The following UBE4B variants were observed in gnomAD, a reference collection of about 807,000 sequenced individuals.
The protein encoded by UBE4B is ubiquitin conjugation factor E4 B.
In UBE4B, 27 loss-of-function variants were observed where a neutral mutation model predicts 148.1. The ratio of observed to expected loss-of-function variants is 0.18; its 90% CI spans 0.13 to 0.25. UBE4B has a LOEUF of 0.25. UBE4B is among the 10% of genes least tolerant of loss of function. The pLI is 1.00. For synonymous variants in UBE4B, 596 were observed against 619.3 expected (o/e 0.96, Z 0.56); for missense variants, 1,170 against 1,662.4 (o/e 0.70, Z 5.15).
intron 17 of UBE4B, among the ~76,000 whole-genome samples, chr1:10,137,554 C>T (rs6687550): frequency 0.047 from 7,080 of 152,192 alleles, 428 homozygotes; most frequent in East Asian, 0.13. Flanking sequence ...ACCCCTTCTT[C>T]CCTGGACTGT....
Position 10,130,783 on chromosome 1 carries a change from A to G in UBE4B, c.1881A>G (p.Gln627=). The change falls in exon 14 of 28, where the codon CAA becomes CAG. Residue 627 remains glutamine (Q), a synonymous_variant. Coordinates refer to ENST00000343090, the MANE Select transcript of UBE4B (RefSeq NM_001105562.3). Reference sequence around the variant, plus strand: ...TGGAAAACACTCGTGTGGTTAGCCAATCATTGCAGCATTACTTAGAGCTCG... The same window carrying G: ...TGGAAAACACTCGTGTGGTTAGCCAGTCATTGCAGCATTACTTAGAGCTCG... ...ITLENTRVVS[Q]SLQHYLELGR... is the part of the protein sequence containing the mutation. The G allele has an allele frequency of 6.2e-7, 1 of 1,614,216 alleles. No individual in the cohort carries two copies. Among genetic ancestry groups the G allele is most frequent in the Non-Finnish European group, 8.5e-7 (1 of 1,180,040 alleles).
chr1:10,114,452 A>C (rs1048375793), intron 7 of UBE4B, among the ~76,000 whole-genome samples: 6 of 152,016 alleles, frequency 3.9e-5, no homozygotes, highest in African/African-American at 7.2e-5. Context: ...TGTTTGTTCT[A>C]GTGTGTGTTT....
At chr1:10,170,192 C>T (rs1296898740) in intron 24 of UBE4B, among the ~76,000 whole-genome samples, 1 of 152,074 alleles carries the variant, frequency 6.6e-6, no homozygotes, top group East Asian at 1.9e-4. Flanking sequence ...TTTTGCAAAC[C>T]TTTAAGGTTT....
chr1:10,147,231 C>T (rs1645889674), intron 19 of UBE4B, 141 bp downstream of exon 19: 1 of 1,357,650 alleles, frequency 7.4e-7, no homozygotes, highest in African/African-American at 1.4e-5. Flanking sequence ...TGGTTCACGC[C>T]TGTAATCCCA....
At chr1:10,179,618 C>T in intron 27 of UBE4B, 56 bp downstream of exon 27, 3 of 1,597,488 alleles carry the variant, frequency 1.9e-6, no homozygotes, top group Non-Finnish European at 1.7e-6. Flanking sequence ...AGAGATAAAG[C>T]CCAAGTCACA....
At chr1:10,119,652 A>C in intron 9 of UBE4B, 39 bp downstream of exon 9, 2 of 1,587,818 alleles carry the variant, frequency 1.3e-6, no homozygotes, top group Non-Finnish European at 1.7e-6. Context: ...TAGCAGGCAG[A>C]GAGCCCTAGC....
intron 12 of UBE4B, among the ~76,000 whole-genome samples, chr1:10,130,192 A>G (rs1190919538): frequency 6.6e-6 from 1 of 152,116 alleles, no homozygotes; most frequent in Non-Finnish European, 1.5e-5. Context: ...TCTTGGCCTC[A>G]GCCTCCCCAG....
intron 14 of UBE4B, among the ~76,000 whole-genome samples, chr1:10,131,794 A>C (rs1373347562): frequency 6.6e-6 from 1 of 152,074 alleles, no homozygotes; most frequent in East Asian, 1.9e-4. Flanking sequence ...CTACTAAAAT[A>C]CAAAAAAAAT....
chr1:10,131,998 C>T (rs950201272), intron 14 of UBE4B, among the ~76,000 whole-genome samples: 9 of 151,678 alleles, frequency 5.9e-5, no homozygotes, highest in Non-Finnish European at 1.3e-4. Flanking sequence ...GGTGTGGCGG[C>T]GTGTGCCTGT....
chr1:10,162,938 G>T (rs987684968), intron 23 of UBE4B, among the ~76,000 whole-genome samples: 1 of 152,144 alleles, frequency 6.6e-6, no homozygotes, highest in African/African-American at 2.4e-5. Context: ...CCTCAGGTTT[G>T]TCTTCGCCAA....
intron 2 of UBE4B, among the ~76,000 whole-genome samples, chr1:10,075,594 C>T (rs17034495): frequency 0.02 from 3,084 of 152,280 alleles, 89 homozygotes; most frequent in African/African-American, 0.07. Flanking sequence ...TACCTCTATG[C>T]TAAGTAGTCC....
intron 1 of UBE4B, among the ~76,000 whole-genome samples, chr1:10,043,905 A>G (rs1443152266): frequency 6.6e-6 from 1 of 152,182 alleles, no homozygotes; most frequent in Admixed American, 6.5e-5. Context: ...AAACAATTAC[A>G]CTTAGATTCA....
At chr1:10,086,105 G>A (rs2101856864) in intron 2 of UBE4B, among the ~76,000 whole-genome samples, 1 of 152,214 alleles carries the variant, frequency 6.6e-6, no homozygotes, top group East Asian at 1.9e-4. Flanking sequence ...CCGAGTAGCT[G>A]GGACTACAGG....
chr1:10,153,692 G>A (rs183854621), intron 21 of UBE4B, among the ~76,000 whole-genome samples: 3 of 152,166 alleles, frequency 2.0e-5, no homozygotes, highest in African/African-American at 7.2e-5. Flanking sequence ...GCTCACGCCT[G>A]TAATCCCAGC....
At chr1:10,079,320 G>A (rs529414841) in intron 2 of UBE4B, among the ~76,000 whole-genome samples, 2 of 152,022 alleles carry the variant, frequency 1.3e-5, no homozygotes, top group Non-Finnish European at 1.5e-5. Flanking sequence ...CACCACGCCC[G>A]GCTAATTTTT....
chr1:10,038,771 A>G (rs924396799), intron 1 of UBE4B, among the ~76,000 whole-genome samples: 4 of 150,194 alleles, frequency 2.7e-5, no homozygotes, highest in African/African-American at 7.3e-5. Flanking sequence ...CCCACTCCCA[A>G]TTTTTTTTTT....
chr1:10,130,935 T>C, intron 14 of UBE4B, 122 bp downstream of exon 14: 2 of 801,210 alleles, frequency 2.5e-6, no homozygotes, highest in South Asian at 3.2e-5. Flanking sequence ...AATTCGATCT[T>C]ACATAAAAAA....
At chr1:10,063,623 G>A (rs545136515) in intron 1 of UBE4B, among the ~76,000 whole-genome samples, 14 of 151,990 alleles carry the variant, frequency 9.2e-5, no homozygotes, top group Non-Finnish European at 1.8e-4. Context: ...GGTACATCTG[G>A]GCCGGGTGAG....
chr1:10,106,154 CT>C lies in UBE4B; in HGVS notation c.810-40del, dbSNP rs1446669204. The C allele has an allele frequency of 1.3e-6, 2 of 1,520,044 alleles. No individual in the cohort carries two copies. The highest frequency in any genetic ancestry group is 2.2e-5 in the Admixed American group (1 of 44,602). The allele number at this position is 1,520,044 out of a possible 1,614,324, so 94.2% of individuals were successfully genotyped here. On this transcript the variant is annotated intron_variant, in intron 6 of 27. Transcript: ENST00000343090. The surrounding 1 kb of genome is among the most constrained non-coding windows in gnomAD (Gnocchi z 4.2). The stretch of plus-strand genomic sequence containing the variant: ...TTTTAGTTAGTTATCTCAAGTTTTT[CT>C]TTGATTTTTCTCTTCTTTCCTCCCT...
Sources: gnomAD v4.1 joint callset for allele counts (sites outside exome capture counted in the v4.1 genomes callset) on GRCh38, gnomAD v4.1.1 for gene constraint, Gnocchi (gnomAD v3.1) non-coding constraint, MANE v1.5 for transcripts, NCBI Gene and HGNC (gene_info 2026-07-23, HGNC 2026-07-21) for gene names.